NDE1: variants seen among roughly 807,000 people sequenced by gnomAD.
The protein encoded by NDE1 is nudE neurodevelopment protein 1, also known as nuclear distribution protein nudE homolog 1.
In NDE1, 28 loss-of-function variants were observed where a neutral mutation model predicts 43.4. The ratio of observed to expected loss-of-function variants is 0.65; its 90% CI spans 0.48 to 0.89. The LOEUF (loss-of-function observed/expected upper bound fraction) is 0.89. Among genes scored for constraint, NDE1 ranks in the 40% least tolerant of loss-of-function variants. The pLI is 0.00. For synonymous variants in NDE1, 184 were observed against 172.0 expected (o/e 1.07, Z -0.55); for missense variants, 441 against 434.1 (o/e 1.02, Z -0.14).
intron 8 of NDE1, chr16:15,701,579 T>G (rs1386293378): frequency 6.6e-6 from 1 of 152,214 alleles, no homozygotes; most frequent in Non-Finnish European, 1.5e-5. Context: ...GAGGCTTCCT[T>G]GTCAAAGACG....
In NDE1 at chr16:15,650,305, C is replaced by G; in HGVS notation, c.-44+11C>G. 3.4e-6 allele frequency: 1 copy of G among 291,580 alleles called. No individual in the cohort carries two copies. The highest frequency in any genetic ancestry group is 1.2e-3 in the Middle Eastern group (1 of 852). 18.1% of individuals were successfully genotyped at this position (291,580 alleles called of 1,614,324 possible). On this transcript the variant is annotated intron_variant, in intron 1 of 8. Transcript: ENST00000396354. ...GCCGCCCCTGCTCGGGTAAGTGAGG[C>G]GCTGCGCGGGGCTGGGGTCGGGGTG... is the stretch of plus-strand genomic sequence containing the variant.
chr16:15,682,201 TTA>T (rs1460780766), intron 4 of NDE1, among the ~76,000 whole-genome samples: 2 of 152,162 alleles, frequency 1.3e-5, no homozygotes, highest in Non-Finnish European at 2.9e-5. Flanking sequence ...TTTTATGTAT[TTA>T]TGTTTTGAGA....
At position 15,703,990 on chromosome 16, in the gene NDE1, C is replaced by G. The variant is rs751944339; in HGVS notation, c.947+7130C>G. On this transcript the variant is annotated intron_variant, in intron 8 of 8. Transcript: ENST00000396354. ...CGTGGTGCAAAACTGTAGAAAGTTG[C>G]TTATTCACTGGCCTTGGTTCCATTG... is the stretch of plus-strand genomic sequence containing the variant. The G allele has an allele frequency of 5.0e-6, 8 of 1,613,838 alleles. No individual in the cohort carries two copies. Among genetic ancestry groups the G allele is most frequent in the Non-Finnish European group, 5.9e-6 (7 of 1,179,990 alleles).
chr16:15,706,022 C>G (rs375904599), intron 8 of NDE1, among the ~76,000 whole-genome samples: 1 of 144,044 alleles, frequency 6.9e-6, no homozygotes, highest in Non-Finnish European at 1.5e-5. Context: ...CCCAGAGATT[C>G]ATGATCACTG....
intron 8 of NDE1, among the ~76,000 whole-genome samples, chr16:15,722,988 C>T (rs1248092771): frequency 1.3e-5 from 2 of 152,310 alleles, no homozygotes; most frequent in Non-Finnish European, 2.9e-5. Context: ...AAGTGATCCA[C>T]CTGCCTCAGC....
At chr16:15,647,784 T>C (rs2036360147), upstream of NDE1, among the ~76,000 whole-genome samples, 1 of 152,026 alleles carries the variant, frequency 6.6e-6, no homozygotes. Flanking sequence ...CCCAGCACTT[T>C]GGGAGGGAGG....
At chr16:15,670,028 C>A (rs1596571400) in intron 3 of NDE1, among the ~76,000 whole-genome samples, 1 of 152,186 alleles carries the variant, frequency 6.6e-6, no homozygotes. Context: ...TAGCTGCCAG[C>A]CAGCATCACT....
At chr16:15,696,896 A>G (rs977390508) in intron 8 of NDE1, 36 bp downstream of exon 8, 12 of 1,606,606 alleles carry the variant, frequency 7.5e-6, no homozygotes, top group Non-Finnish European at 1.0e-5. Flanking sequence ...GCTGGCGGGG[A>G]GAACCCGCCT....
rs151112745 is a variant in NDE1, at chr16:15,724,168, A to G, written c.948-23A>G. 6.2e-6 allele frequency: 10 copies of G among 1,613,522 alleles called. No homozygotes were observed. The highest frequency in any genetic ancestry group is 2.2e-5 in the East Asian group (1 of 44,878). Reference sequence around the variant, plus strand: ...ACACCCCACGCCCTCTACCTGATCAAATTTCCTCTGCTTCTTTTCCAGGTT... The same window carrying G: ...ACACCCCACGCCCTCTACCTGATCAGATTTCCTCTGCTTCTTTTCCAGGTT... On this transcript the variant is annotated intron_variant, in intron 8 of 8. Coordinates refer to ENST00000396354, the MANE Select transcript of NDE1 (RefSeq NM_017668.3).
rs1360350486 is a variant in NDE1 at position 15,725,439 on chromosome 16, T to C, written c.*1188T>C. On this transcript the variant is annotated 3_prime_UTR_variant, in exon 9 of 9. Transcript: ENST00000396354. ...GTCCCAGGGATGCTGTCCCATCCCT[T>C]CCTTCCTCACTCCTACTCTTTGACC... The C allele has an allele frequency of 2.1e-6, 1 of 468,028 alleles. No individual in the cohort carries two copies. The highest frequency in any genetic ancestry group is 3.7e-6 in the Non-Finnish European group (1 of 268,674). 29.0% of individuals were successfully genotyped at this position (468,028 alleles called of 1,614,324 possible). A position where few individuals can be genotyped will look rare whatever the true frequency, so the allele number is the denominator to read the frequency against.
intron 1 of NDE1, among the ~76,000 whole-genome samples, chr16:15,663,928 G>A (rs1046730670): frequency 2.6e-5 from 4 of 152,092 alleles, no homozygotes; most frequent in African/African-American, 9.7e-5. Flanking sequence ...TTAGCCAGGC[G>A]TGGTGGCGCA....
intron 8 of NDE1, chr16:15,717,880 C>G: frequency 3.6e-6 from 1 of 273,978 alleles, no homozygotes; most frequent in Non-Finnish European, 7.1e-6. Flanking sequence ...CTGGAGTCGC[C>G]TGGAGAATGA....
chr16:15,722,173 C>T (rs976994028), intron 8 of NDE1, among the ~76,000 whole-genome samples: 3 of 152,052 alleles, frequency 2.0e-5, no homozygotes, highest in South Asian at 2.1e-4. Context: ...CCTTGTGCTT[C>T]GAAACCACTA....
intron 1 of NDE1, among the ~76,000 whole-genome samples, chr16:15,656,712 T>A (rs2036785209): frequency 6.6e-6 from 1 of 152,040 alleles, no homozygotes; most frequent in African/African-American, 2.4e-5. Flanking sequence ...AGCTAATTTT[T>A]GTATTTTTAG....
intron 8 of NDE1, among the ~76,000 whole-genome samples, chr16:15,697,565 G>C (rs1326115785): frequency 6.6e-6 from 1 of 151,960 alleles, no homozygotes; most frequent in Non-Finnish European, 1.5e-5. Flanking sequence ...ATAGAAAAAT[G>C]AGCCAGGCAT....
rs1321669089 is a variant in NDE1, at chr16:15,725,968, C to T, written c.*1717C>T. The T allele has an allele frequency of 5.8e-6, 2 of 343,374 alleles. No individual in the cohort carries two copies. Among genetic ancestry groups the T allele is most frequent in the Non-Finnish European group, 1.0e-5 (2 of 191,326 alleles). The allele number at this position is 343,374 out of a possible 1,614,324, so 21.3% of individuals were successfully genotyped here. On this transcript the variant is annotated 3_prime_UTR_variant, in exon 9 of 9. Coordinates refer to ENST00000396354, the MANE Select transcript of NDE1 (RefSeq NM_017668.3). The stretch of plus-strand genomic sequence containing the variant: ...CACTCTGTACTATCTCCCCCTACCC[C>T]CAACCCCAGCTGGGCACTCCAGCTC...
rs535424779 is a variant in NDE1 at position 15,686,553 on chromosome 16, C to G, written c.387-822C>G. 6.1e-6 allele frequency: 6 copies of G among 984,978 alleles called. No individual in the cohort carries two copies. In the East Asian group the frequency reaches 6.8e-4, roughly 112 times the overall value. The allele number at this position is 984,978 out of a possible 1,614,324, so 61.0% of individuals were successfully genotyped here. On this transcript the variant is annotated intron_variant, in intron 4 of 8. Transcript: ENST00000396354. ...TTATGCCTGGCACAATGCCTCATGC[C>G]TGTAATCTCAGTAACTCAGGAGGCT...
chr16:15,659,640 T>C (rs2036947421), intron 1 of NDE1, among the ~76,000 whole-genome samples: 1 of 151,892 alleles, frequency 6.6e-6, no homozygotes, highest in Admixed American at 6.6e-5. Flanking sequence ...TTTCAGTGTG[T>C]TGGCCAGGCT....
At chr16:15,670,157 G>A (rs2151456076) in intron 3 of NDE1, among the ~76,000 whole-genome samples, 1 of 152,218 alleles carries the variant, frequency 6.6e-6, no homozygotes, top group African/African-American at 2.4e-5. Flanking sequence ...ATGTCTGTGT[G>A]GTTTTCTTTT....
Sources: allele counts gnomAD v4.1 joint callset (sites outside exome capture counted in the v4.1 genomes callset), GRCh38; gene constraint gnomAD v4.1.1; transcripts MANE v1.5; gene names NCBI Gene and HGNC (gene_info 2026-07-23, HGNC 2026-07-21).